The following SLC2A12 variants were observed in gnomAD, a reference collection of about 807,000 sequenced individuals.
The protein encoded by SLC2A12 is solute carrier family 2 member 12.
In SLC2A12, 23 loss-of-function variants were observed where a neutral mutation model predicts 41.8. The observed-to-expected ratio is 0.55, with a 90% CI of 0.40 to 0.78. The LOEUF (loss-of-function observed/expected upper bound fraction) is 0.78. Ranked by LOEUF, SLC2A12 falls within the 30% of genes least tolerant of loss-of-function variation. SLC2A12 has a pLI of 0.00. For synonymous variants in SLC2A12, 295 were observed against 285.9 expected (o/e 1.03, Z -0.32); for missense variants, 654 against 745.6 (o/e 0.88, Z 1.43).
intron 2 of SLC2A12, among the ~76,000 whole-genome samples, chr6:134,015,893 G>A (rs1418712211): frequency 6.6e-6 from 1 of 152,198 alleles, no homozygotes; most frequent in Non-Finnish European, 1.5e-5. Context: ...TACGGCAGAT[G>A]ACTCATGCTT....
At chr6:134,007,356 T>G (rs1776828407) in intron 2 of SLC2A12, among the ~76,000 whole-genome samples, 1 of 152,144 alleles carries the variant, frequency 6.6e-6, no homozygotes, top group Admixed American at 6.5e-5. Context: ...TCCTCAGCTC[T>G]CTCCCCCTGA....
At chr6:134,009,682 A>G (rs1776855842) in intron 2 of SLC2A12, among the ~76,000 whole-genome samples, 1 of 151,756 alleles carries the variant, frequency 6.6e-6, no homozygotes, top group Non-Finnish European at 1.5e-5. Flanking sequence ...AAAATAAAAT[A>G]AAATAAAATA....
intron 3 of SLC2A12, among the ~76,000 whole-genome samples, chr6:134,004,810 G>C (rs748906585): frequency 5.3e-5 from 8 of 152,178 alleles, no homozygotes; most frequent in Non-Finnish European, 7.3e-5. Flanking sequence ...TCTCTTTAGA[G>C]AGGTATTTCA....
intron 1 of SLC2A12, among the ~76,000 whole-genome samples, chr6:134,031,245 G>A (rs982281491): frequency 1.3e-5 from 2 of 152,136 alleles, no homozygotes; most frequent in African/African-American, 4.8e-5. Context: ...TACAAAAATA[G>A]CTGGGCATGA....
In SLC2A12 at chr6:133,989,461, A is replaced by G. The variant is rs1776588648; in HGVS notation, c.*1694T>C. 1 of 152,180 alleles carries G rather than the reference A, an allele frequency of 6.6e-6. No individual in the cohort carries two copies. The highest frequency in any genetic ancestry group is 6.5e-5 in the Admixed American group (1 of 15,272). The allele number at this position is 152,180 out of a possible 1,614,324, so 9.4% of individuals were successfully genotyped here. A position where few individuals can be genotyped will look rare whatever the true frequency, so the allele number is the denominator to read the frequency against. On this transcript the variant is annotated 3_prime_UTR_variant, in exon 5 of 5. Transcript: ENST00000275230. ...TTTATAATGAAGGGCTAAACAAAAA[A>G]TACCTGAAGTATATATAGAGTTTGA...
chr6:134,014,907 C>T (rs1311507771), intron 2 of SLC2A12, among the ~76,000 whole-genome samples: 1 of 152,234 alleles, frequency 6.6e-6, no homozygotes, highest in Admixed American at 6.5e-5. Context: ...CTATTAGATA[C>T]TGCTGCTGCA....
At chr6:134,038,672 T>C (rs1303944671) in intron 1 of SLC2A12, among the ~76,000 whole-genome samples, 5 of 149,492 alleles carry the variant, frequency 3.3e-5, no homozygotes, top group Non-Finnish European at 1.5e-5. Context: ...CTTTCTGCTC[T>C]TCCTTTTATC....
Position 134,029,139 on chromosome 6 carries a change from T to G in SLC2A12, c.686A>C (p.Gln229Pro). The change falls in exon 2 of 5, where the codon CAA becomes CCA. Residue 229 changes from glutamine (Q) to proline (P), a missense_variant. By Grantham distance (76) the Gln-to-Pro change is moderately conservative. This residue lies in a region of SLC2A12 where 411 missense variants were observed against 412.1 expected (regional missense o/e 1.00). Transcript: ENST00000275230. Reference sequence around the variant, plus strand: ...AAGAACCTTGCTAGCAGCTCCCTCTTGTCCTTTCATCACCAGAAACCGAGG... The same window carrying G: ...AAGAACCTTGCTAGCAGCTCCCTCTGGTCCTTTCATCACCAGAAACCGAGG... ...PSPRFLVMKG[Q>P]EGAASKVLGR... The G allele has an allele frequency of 3.1e-6, 5 of 1,614,152 alleles. No homozygotes were observed. Among genetic ancestry groups the G allele is most frequent in the Non-Finnish European group, 4.2e-6 (5 of 1,180,032 alleles).
intron 2 of SLC2A12, among the ~76,000 whole-genome samples, chr6:134,015,017 C>A (rs1776936730): frequency 6.6e-6 from 1 of 152,202 alleles, no homozygotes; most frequent in Admixed American, 6.5e-5. Flanking sequence ...TACAGAACCA[C>A]ATGAATGCTG....
At chr6:134,027,160 C>T (rs1356974826) in intron 2 of SLC2A12, among the ~76,000 whole-genome samples, 1 of 152,158 alleles carries the variant, frequency 6.6e-6, no homozygotes, top group Non-Finnish European at 1.5e-5. Flanking sequence ...ATTATCCTTT[C>T]CCCAATATTT....
intron 4 of SLC2A12, among the ~76,000 whole-genome samples, chr6:133,995,455 T>A (rs1375026665): frequency 1.3e-5 from 2 of 152,062 alleles, no homozygotes; most frequent in Admixed American, 6.5e-5. Flanking sequence ...GTCCATTTTC[T>A]CAGTGAAGTC....
At chr6:133,995,095 C>A (rs1317171113) in intron 4 of SLC2A12, among the ~76,000 whole-genome samples, 1 of 152,146 alleles carries the variant, frequency 6.6e-6, no homozygotes, top group African/African-American at 2.4e-5. Context: ...AGAGCAGAAG[C>A]ACAAGTGATG....
intron 2 of SLC2A12, among the ~76,000 whole-genome samples, chr6:134,016,210 C>T (rs1354108637): frequency 1.3e-5 from 2 of 151,884 alleles, no homozygotes; most frequent in African/African-American, 4.8e-5. Context: ...GAGATAGTGT[C>T]ACCCTCTGGA....
intron 4 of SLC2A12, among the ~76,000 whole-genome samples, chr6:133,998,527 A>C (rs1776720752): frequency 6.6e-6 from 1 of 152,188 alleles, no homozygotes; most frequent in South Asian, 2.1e-4. Context: ...ACAATAATTC[A>C]CAAAATTTTA....
intron 3 of SLC2A12, among the ~76,000 whole-genome samples, chr6:134,005,378 G>T (rs1179789159): frequency 1.3e-5 from 2 of 152,038 alleles, no homozygotes; most frequent in Non-Finnish European, 2.9e-5. Flanking sequence ...GAATCTCCCT[G>T]CCAGGCACAG....
chr6:134,016,559 A>T (rs920139347), intron 2 of SLC2A12, among the ~76,000 whole-genome samples: 6 of 151,998 alleles, frequency 3.9e-5, no homozygotes, highest in African/African-American at 1.5e-4. Context: ...TTTTGTCAAC[A>T]TCATTAAACT....
chr6:134,007,042 TG>T, intron 2 of SLC2A12, 108 bp from the exon 3 acceptor site: 1 of 1,488,116 alleles, frequency 6.7e-7, no homozygotes, highest in Admixed American at 2.1e-5. Flanking sequence ...CCGGGATTTG[TG>T]GTTGGGAAGC....
intron 2 of SLC2A12, among the ~76,000 whole-genome samples, chr6:134,013,552 C>A (rs1048305994): frequency 6.6e-6 from 1 of 151,930 alleles, no homozygotes; most frequent in Admixed American, 6.6e-5. Flanking sequence ...TTGAATGTCA[C>A]TTATTTCTAG....
chr6:134,029,698 A>G lies in SLC2A12; in HGVS notation c.127T>C (p.Ser43Pro), dbSNP rs1777174531. The change falls in exon 2 of 5, where the codon TCA (serine) becomes CCA (proline). Residue 43 changes from serine (S) to proline (P), a missense_variant. This residue lies in a region of SLC2A12 where 109 missense variants were observed against 153.0 expected (regional missense o/e 0.71). Transcript: ENST00000275230. Reference sequence around the variant, plus strand: ...CCACTGACAGCAGCAGTGACAGATGACAGGAAGGTAAACATGCCGCAGCCT... The same window carrying G: ...CCACTGACAGCAGCAGTGACAGATGGCAGGAAGGTAAACATGCCGCAGCCT... ...ARGCGMFTFLSSVTAAVSGLL... is the reference protein window; with the variant it reads ...ARGCGMFTFLPSVTAAVSGLL... 2 of 1,602,746 alleles carry G rather than the reference A, an allele frequency of 1.2e-6. No homozygotes were observed. Among genetic ancestry groups the G allele is most frequent in the African/African-American group, 2.7e-5 (2 of 74,842 alleles).
Sources: gnomAD v4.1 joint callset for allele counts (sites outside exome capture counted in the v4.1 genomes callset) on GRCh38, gnomAD v4.1.1 for gene constraint, gnomAD v4.1.1 regional missense constraint, MANE v1.5 for transcripts, NCBI Gene and HGNC (gene_info 2026-07-23, HGNC 2026-07-21) for gene names.